Variants in VDR observed in about 807,000 individuals in gnomAD.
VDR encodes vitamin D3 receptor.
VDR carries 19 observed loss-of-function variants against 39.7 expected under a neutral mutation model. The ratio of observed to expected loss-of-function variants is 0.48; its 90% CI spans 0.33 to 0.70. The LOEUF (loss-of-function observed/expected upper bound fraction) is 0.70. Ranked by LOEUF, VDR falls within the 30% of genes least tolerant of loss-of-function variation. VDR has a pLI of 0.02. For missense variants in VDR, 442 were observed against 570.5 expected (o/e 0.77, Z 2.29); for synonymous variants, 242 against 215.8 (o/e 1.12, Z -1.07).
intron 4 of VDR, among the ~76,000 whole-genome samples, chr12:47,858,988 G>A (rs1315673770): frequency 6.6e-6 from 1 of 152,174 alleles, no homozygotes; most frequent in African/African-American, 2.4e-5. Flanking sequence ...AGGGAGCCTG[G>A]GAGTAGACCA....
At chr12:47,904,445 G>T (rs2137261311) in intron 1 of VDR, 3 of 740,968 alleles carry the variant, frequency 4.0e-6, no homozygotes, top group Non-Finnish European at 3.9e-6. Flanking sequence ...TAAACTCATT[G>T]GTAGTTCAAA....
intron 1 of VDR, among the ~76,000 whole-genome samples, chr12:47,884,528 G>C (rs1357429888): frequency 1.3e-5 from 2 of 152,152 alleles, no homozygotes; most frequent in Non-Finnish European, 2.9e-5. Flanking sequence ...ACTGGGCCCT[G>C]CTCCATGGTT....
intron 3 of VDR, among the ~76,000 whole-genome samples, chr12:47,877,377 A>C (rs1946029430): frequency 6.6e-6 from 1 of 152,208 alleles, no homozygotes; most frequent in South Asian, 2.1e-4. Flanking sequence ...AGACTGAAAA[A>C]GTGTTTTTCA....
intron 4 of VDR, among the ~76,000 whole-genome samples, chr12:47,861,256 G>A (rs1170458118): frequency 6.6e-6 from 1 of 152,242 alleles, no homozygotes; most frequent in Non-Finnish European, 1.5e-5. Context: ...AAGTCACAAA[G>A]CTTGTAAATT....
chr12:47,848,555 C>CTTTTTTTTTTTTTT (rs1162881183), intron 7 of VDR, among the ~76,000 whole-genome samples: 8 of 58,116 alleles, frequency 1.4e-4, no homozygotes, highest in Admixed American at 2.9e-4. Flanking sequence ...TTTTCTACTC[C>CTTTTTTTTTTTTTT]TTTTTTTTTT....
intron 3 of VDR, among the ~76,000 whole-genome samples, chr12:47,876,477 G>A (rs1363581720): frequency 6.6e-6 from 1 of 152,194 alleles, no homozygotes; most frequent in Non-Finnish European, 1.5e-5. Context: ...TCTAAGTAAG[G>A]TAGACTGAGG....
intron 3 of VDR, among the ~76,000 whole-genome samples, chr12:47,869,947 C>T (rs182738534): frequency 2.1e-4 from 32 of 152,182 alleles, no homozygotes; most frequent in South Asian, 1.0e-3. Flanking sequence ...AAAAGTTTGG[C>T]GCCCTTGCTT....
At chr12:47,853,629 C>T (rs1334218983) in intron 7 of VDR, among the ~76,000 whole-genome samples, 5 of 152,096 alleles carry the variant, frequency 3.3e-5, no homozygotes, top group African/African-American at 1.2e-4. Flanking sequence ...GTGGTGCGTG[C>T]CTGTAATTTC....
Position 47,844,555 on chromosome 12 carries a change from G to A in VDR, c.*191C>T, listed in dbSNP as rs1340912467. ...CTCATGGCTGAGGTCTCAAGGGACC[G>A]GGGAAAAGCCCGCAGGAAAGGGGTT... On this transcript the variant is annotated 3_prime_UTR_variant, in exon 10 of 10. Transcript: ENST00000549336. 1.5e-5 allele frequency: 11 copies of A among 755,046 alleles called. No homozygotes were observed. The highest frequency in any genetic ancestry group is 5.3e-5 in the African/African-American group (3 of 56,886). 46.8% of individuals were successfully genotyped at this position (755,046 alleles called of 1,614,324 possible). A position where few individuals can be genotyped will look rare whatever the true frequency, so the allele number is the denominator to read the frequency against.
At position 47,846,621 on chromosome 12, in the gene VDR, G is replaced by A. The variant is rs766156044; in HGVS notation, c.907+36C>T. The A allele has an allele frequency of 4.3e-6, 7 of 1,612,468 alleles. No homozygotes were observed. The African/African-American group carries it at 8.0e-5, about 18-fold the overall frequency. ...CGGGTGGAGCCAGAATCTGGGAGCT[G>A]AAAAAGACTCCCCAGGAGGTGGAGT... On this transcript the variant is annotated intron_variant, in intron 8 of 9. Transcript: ENST00000549336.
Position 47,844,623 on chromosome 12 carries a change from T to C in VDR, c.*123A>G, listed in dbSNP as rs1592093303. 2 of 1,340,252 alleles carry C rather than the reference T, an allele frequency of 1.5e-6. No individual in the cohort carries two copies. The highest frequency in any genetic ancestry group is 1.9e-5 in the Admixed American group (1 of 53,550). The allele number at this position is 1,340,252 out of a possible 1,614,324, so 83.0% of individuals were successfully genotyped here. ...GAATGGGCTGGGTGGATAGGGGAGG[T>C]GGCAGAGGAGGGGCTGAACCCCAGA... On this transcript the variant is annotated 3_prime_UTR_variant, in exon 10 of 10. Coordinates refer to ENST00000549336, the MANE Select transcript of VDR (RefSeq NM_000376.3).
intron 4 of VDR, among the ~76,000 whole-genome samples, chr12:47,862,045 G>A (rs1945636979): frequency 6.6e-6 from 1 of 152,164 alleles, no homozygotes; most frequent in Non-Finnish European, 1.5e-5. Context: ...CATTTATTGA[G>A]CACCTACTAT....
intron 1 of VDR, chr12:47,898,672 T>G (rs1275108309): frequency 1.3e-5 from 2 of 155,052 alleles, no homozygotes; most frequent in Admixed American, 1.3e-4. Flanking sequence ...TCCAATGGAA[T>G]TCTACACAGC....
chr12:47,877,775 C>T (rs2137198415), intron 3 of VDR, among the ~76,000 whole-genome samples: 1 of 152,314 alleles, frequency 6.6e-6, no homozygotes, highest in East Asian at 1.9e-4. Context: ...AGCAACACGA[C>T]TTAGAGCCAG....
At chr12:47,851,987 TC>T (rs1164797863) in intron 7 of VDR, among the ~76,000 whole-genome samples, 1 of 152,048 alleles carries the variant, frequency 6.6e-6, no homozygotes, top group Non-Finnish European at 1.5e-5. Context: ...CAACTTAACC[TC>T]GGGAAGAGAA....
At position 47,873,351 on chromosome 12, in the gene VDR, C is replaced by CTTTTTTTTTTTTTT. The variant is rs71077177; in HGVS notation, c.146+5603_146+5616dup. On this transcript the variant is annotated intron_variant, in intron 3 of 9. Coordinates refer to ENST00000549336, the MANE Select transcript of VDR (RefSeq NM_000376.3). ...ACCATGAGTCAATTAAACCTGTTTT[C>CTTTTTTTTTTTTTT]TTTTTTTTTTTTTTTTTTTTTTTTT... Among the ~76,000 whole-genome samples the CTTTTTTTTTTTTTT allele has an allele frequency of 5.6e-4, 55 of 98,404 alleles. 5 individuals are homozygous for CTTTTTTTTTTTTTT. Among genetic ancestry groups the CTTTTTTTTTTTTTT allele is most frequent in the Non-Finnish European group, 8.6e-4 (43 of 50,256 alleles). The allele number at this position is 98,404 out of a possible 152,430, so 64.6% of individuals were successfully genotyped here.
intron 3 of VDR, among the ~76,000 whole-genome samples, chr12:47,866,511 C>A (rs557203692): frequency 1.8e-4 from 28 of 152,172 alleles, no homozygotes; most frequent in Non-Finnish European, 2.9e-4. Flanking sequence ...ATTCTAGAGA[C>A]CTGTGACTGG....
rs17878969 is a variant in VDR, at chr12:47,842,623, A to ATTTTTTTTTTTTT, written c.*2110_*2122dup. ...CAGGCTTGCGCCACCATGCCCGGCT[A>ATTTTTTTTTTTTT]TTTTTTTTTTTTTTTTTTTTGTATT... On this transcript the variant is annotated 3_prime_UTR_variant, in exon 10 of 10. Coordinates refer to ENST00000549336, the MANE Select transcript of VDR (RefSeq NM_000376.3). 3 of 131,066 alleles carry ATTTTTTTTTTTTT rather than the reference A, an allele frequency of 2.3e-5. No individual in the cohort carries two copies. The highest frequency in any genetic ancestry group is 1.5e-4 in the Admixed American group (2 of 12,906). The allele number at this position is 131,066 out of a possible 1,614,324, so 8.1% of individuals were successfully genotyped here. A position where few individuals can be genotyped will look rare whatever the true frequency, so the allele number is the denominator to read the frequency against.
chr12:47,873,351 C>CTTTTTTTT (rs71077177), intron 3 of VDR, among the ~76,000 whole-genome samples: 1,682 of 98,058 alleles, frequency 0.017, 238 homozygotes, highest in East Asian at 0.052. Context: ...AACCTGTTTT[C>CTTTTTTTT]TTTTTTTTTT....
Sources: allele counts gnomAD v4.1 joint callset (sites outside exome capture counted in the v4.1 genomes callset), GRCh38; gene constraint gnomAD v4.1.1; transcripts MANE v1.5; gene names NCBI Gene and HGNC (gene_info 2026-07-23, HGNC 2026-07-21).